KIRREL3: variants seen among roughly 807,000 people sequenced by gnomAD.
The protein encoded by KIRREL3 is kin of IRRE-like protein 3.
KIRREL3 carries 36 observed loss-of-function variants against 89.7 expected under a neutral mutation model. The ratio of observed to expected loss-of-function variants is 0.40; its 90% CI spans 0.31 to 0.53. The LOEUF (loss-of-function observed/expected upper bound fraction) is 0.53, where lower values mean the gene tolerates loss of function less well. KIRREL3 is among the 20% of genes least tolerant of loss of function. The pLI, the probability that KIRREL3 is intolerant of heterozygous loss-of-function variation, is 0.49. For missense variants in KIRREL3, 864 were observed against 1,056.6 expected, an observed-to-expected ratio of 0.82 and a Z score of 2.53; for synonymous variants, 445 against 441.4, an observed-to-expected ratio of 1.01 and a Z score of -0.10.
rs1950240653 is a variant in KIRREL3, at chr11:126,778,760, T to C, written c.56-215848A>G. 6.6e-6 allele frequency among the ~76,000 whole-genome samples: 1 copy of C among 152,204 alleles called. No homozygotes were observed. The highest frequency in any genetic ancestry group is 1.5e-5 in the Non-Finnish European group (1 of 68,034). On this transcript the variant is annotated intron_variant, in intron 1 of 16. Coordinates refer to ENST00000525144, the MANE Select transcript of KIRREL3 (RefSeq NM_032531.4). The surrounding 1 kb of genome is among the most constrained non-coding windows in gnomAD (Gnocchi z 4.5). ...GTTAGCTCTTTGTGAACAAAAGCTA[T>C]CATGCAGGGCCCATGTAAACACCAA...
chr11:126,449,068 G>C lies in KIRREL3; in HGVS notation c.938C>G (p.Ser313Cys). 1 of 1,614,012 alleles carries C rather than the reference G, an allele frequency of 6.2e-7. No homozygotes were observed. The highest frequency in any genetic ancestry group is 1.1e-5 in the South Asian group (1 of 91,082). Residue 313 changes from serine to cysteine, a missense_variant, in exon 8 of 17, where the codon TCC becomes TGC. By Grantham distance (112) the Ser-to-Cys change is moderately radical (BLOSUM62 -1). Transcript: ENST00000525144. ...GCCCAGGGCGTTGGTCACCTCACAG[G>C]AGACGGGCTCTGAGAAGTACGTGTA... ...VDYTYFSEPV[S>C]CEVTNALGST...
rs1950199784 is a variant in KIRREL3, at chr11:126,997,114, G to A, written c.55+3341C>T. ...ATTCCCTCCAAGCTACCTAAGCTGT[G>A]CATGTGCAGGCTGGATGGGATGGGG... On this transcript the variant is annotated intron_variant, in intron 1 of 16. Coordinates refer to ENST00000525144, the MANE Select transcript of KIRREL3 (RefSeq NM_032531.4). This position sits in a 1 kb window ranked among gnomAD's most constrained non-coding sequence, Gnocchi z 4.3. Among the ~76,000 whole-genome samples, 1 of 152,206 alleles carries A rather than the reference G, an allele frequency of 6.6e-6. No homozygotes were observed. The highest frequency in any genetic ancestry group is 1.5e-5 in the Non-Finnish European group (1 of 68,040).
chr11:126,720,688 G>A (rs1182255010), intron 1 of KIRREL3, among the ~76,000 whole-genome samples: 2 of 152,316 alleles, frequency 1.3e-5, no homozygotes, highest in Admixed American at 1.3e-4. Context: ...GTTATGTTAG[G>A]GCTGCAGGCA....
chr11:126,888,399 A>G (rs1433256582), intron 1 of KIRREL3, among the ~76,000 whole-genome samples: 1 of 148,302 alleles, frequency 6.7e-6, no homozygotes, highest in Non-Finnish European at 1.5e-5. Flanking sequence ...GGCCCGTGCC[A>G]GATTCTTACC....
In KIRREL3 at chr11:126,870,417, C is replaced by A. The variant is rs1041186416; in HGVS notation, c.55+130038G>T. On this transcript the variant is annotated intron_variant, in intron 1 of 16. Transcript: ENST00000525144. The surrounding 1 kb of genome is among the most constrained non-coding windows in gnomAD (Gnocchi z 4.4). ...AGTGGCTCGCCACTTAGGTCTGAAC[C>A]AAAGAGCTAAACAGGAGCTGGAGAG... is the stretch of plus-strand genomic sequence containing the variant. 6.6e-6 allele frequency among the ~76,000 whole-genome samples: 1 copy of A among 152,196 alleles called. No individual in the cohort carries two copies. Among genetic ancestry groups the A allele is most frequent in the African/African-American group, 2.4e-5 (1 of 41,450 alleles).
chr11:126,871,401 G>A (rs970541193), intron 1 of KIRREL3, among the ~76,000 whole-genome samples: 16 of 152,152 alleles, frequency 1.1e-4, no homozygotes, highest in African/African-American at 3.9e-4. Context: ...CTTTGGGTAA[G>A]TCACTTACCC....
chr11:126,449,649 T>C (rs1405269325), intron 7 of KIRREL3, among the ~76,000 whole-genome samples: 2 of 152,130 alleles, frequency 1.3e-5, no homozygotes, highest in Non-Finnish European at 2.9e-5. Flanking sequence ...ACACACACAC[T>C]GACAAGGCGA....
At chr11:126,712,974 G>A (rs1371358033) in intron 1 of KIRREL3, among the ~76,000 whole-genome samples, 3 of 152,130 alleles carry the variant, frequency 2.0e-5, no homozygotes, top group African/African-American at 4.8e-5. Context: ...GTTGAGTGTT[G>A]GGTGCTAGGT....
chr11:126,621,026 T>C (rs1943554843), intron 1 of KIRREL3, among the ~76,000 whole-genome samples: 1 of 152,224 alleles, frequency 6.6e-6, no homozygotes, highest in South Asian at 2.1e-4. Flanking sequence ...TGTAAGCGAA[T>C]GCAAAGGGCA....
In KIRREL3 at chr11:126,628,794, C is replaced by T. The variant is rs1943897362; in HGVS notation, c.56-65882G>A. Among the ~76,000 whole-genome samples, 1 of 152,196 alleles carries T rather than the reference C, an allele frequency of 6.6e-6. No homozygotes were observed. Among genetic ancestry groups the T allele is most frequent in the South Asian group, 2.1e-4 (1 of 4,834 alleles). Reference sequence around the variant, plus strand: ...CCTGCTACCTGGAGCCAGGGCCTCGCCTCTACTGCCCCCTCCGCTCGCTCT... The same window carrying T: ...CCTGCTACCTGGAGCCAGGGCCTCGTCTCTACTGCCCCCTCCGCTCGCTCT... On this transcript the variant is annotated intron_variant, in intron 1 of 16. Coordinates refer to ENST00000525144, the MANE Select transcript of KIRREL3 (RefSeq NM_032531.4). This position sits in a 1 kb window ranked among gnomAD's most constrained non-coding sequence, Gnocchi z 5.2.
rs1957291682 is a variant in KIRREL3, at chr11:126,484,194, A to G, written c.434-10728T>C. Among the ~76,000 whole-genome samples the G allele has an allele frequency of 6.6e-6, 1 of 151,994 alleles. No homozygotes were observed. Among genetic ancestry groups the G allele is most frequent in the African/African-American group, 2.4e-5 (1 of 41,376 alleles). On this transcript the variant is annotated intron_variant, in intron 4 of 16. Coordinates refer to ENST00000525144, the MANE Select transcript of KIRREL3 (RefSeq NM_032531.4). This position sits in a 1 kb window ranked among gnomAD's most constrained non-coding sequence, Gnocchi z 5.2. ...CCCTCCCCACCTGAGCACCTCTTAC[A>G]CTGGTCCTCACCACATCTCTATTGC...
rs1939464631 is a variant in KIRREL3, at chr11:126,553,675, T to G, written c.133+9160A>C. 6.6e-6 allele frequency among the ~76,000 whole-genome samples: 1 copy of G among 152,168 alleles called. No individual in the cohort carries two copies. Among genetic ancestry groups the G allele is most frequent in the Admixed American group, 6.5e-5 (1 of 15,284 alleles). ...AGTTCTTCTGATGGGAACTGACTTG[T>G]TCTGCTTTAATGCACCCCTCAAATT... is the stretch of plus-strand genomic sequence containing the variant. On this transcript the variant is annotated intron_variant, in intron 2 of 16. Coordinates refer to ENST00000525144, the MANE Select transcript of KIRREL3 (RefSeq NM_032531.4). The surrounding 1 kb of genome is among the most constrained non-coding windows in gnomAD (Gnocchi z 4.7).
intron 1 of KIRREL3, among the ~76,000 whole-genome samples, chr11:126,915,160 C>T (rs543182154): frequency 2.5e-3 from 377 of 152,286 alleles, no homozygotes; most frequent in African/African-American, 8.0e-3. Context: ...TTGCTGGAAT[C>T]TTCCCTTCAG....
chr11:126,759,954 C>T (rs1949618568), intron 1 of KIRREL3, among the ~76,000 whole-genome samples: 1 of 152,122 alleles, frequency 6.6e-6, no homozygotes, highest in Non-Finnish European at 1.5e-5. Context: ...TATATTAACA[C>T]AGACATCCCA....
In KIRREL3 at chr11:126,837,592, C is replaced by G. The variant is rs1943824319; in HGVS notation, c.55+162863G>C. On this transcript the variant is annotated intron_variant, in intron 1 of 16. Coordinates refer to ENST00000525144, the MANE Select transcript of KIRREL3 (RefSeq NM_032531.4). This position sits in a 1 kb window ranked among gnomAD's most constrained non-coding sequence, Gnocchi z 4.7. ...TTCCAATCCTCGCTACATCCAGGAA[C>G]TTACTCTGCTGTGAAAGTGTCACAG... 6.6e-6 allele frequency among the ~76,000 whole-genome samples: 1 copy of G among 152,194 alleles called. No homozygotes were observed. The highest frequency in any genetic ancestry group is 1.5e-5 in the Non-Finnish European group (1 of 68,038).
At chr11:126,679,340 C>A (rs995144584) in intron 1 of KIRREL3, among the ~76,000 whole-genome samples, 1 of 152,152 alleles carries the variant, frequency 6.6e-6, no homozygotes, top group African/African-American at 2.4e-5. Context: ...CATTATGTTC[C>A]TTGCAGCTGA....
At chr11:126,863,569 T>C (rs546947149) in intron 1 of KIRREL3, among the ~76,000 whole-genome samples, 1 of 94,660 alleles carries the variant, frequency 1.1e-5, no homozygotes, top group South Asian at 3.3e-4. Flanking sequence ...GTGAGTGTGT[T>C]TGACTGCGTG....
intron 1 of KIRREL3, among the ~76,000 whole-genome samples, chr11:126,691,563 C>T (rs766556305): frequency 7.2e-5 from 11 of 152,008 alleles, no homozygotes; most frequent in East Asian, 3.9e-4. Flanking sequence ...CCTTTGTAGA[C>T]GGTTAAAATA....
At chr11:126,956,501 T>G (rs1223229312) in intron 1 of KIRREL3, among the ~76,000 whole-genome samples, 3 of 152,178 alleles carry the variant, frequency 2.0e-5, no homozygotes, top group African/African-American at 7.2e-5. Flanking sequence ...CTGTGCTTAC[T>G]GGGCTAAAGA....
Sources: gnomAD v4.1 joint callset for allele counts (sites outside exome capture counted in the v4.1 genomes callset) on GRCh38, gnomAD v4.1.1 for gene constraint, Gnocchi (gnomAD v3.1) non-coding constraint, MANE v1.5 for transcripts, NCBI Gene and HGNC (gene_info 2026-07-23, HGNC 2026-07-21) for gene names.